Variants in HOMER2 observed in about 807,000 individuals in gnomAD.
The protein encoded by HOMER2 is homer protein homolog 2.
In HOMER2, 27 loss-of-function variants were observed where a neutral mutation model predicts 47.0. The ratio of observed to expected loss-of-function variants is 0.57; its 90% CI spans 0.42 to 0.79. The LOEUF (loss-of-function observed/expected upper bound fraction) is 0.79, where lower values mean the gene tolerates loss of function less well. Ranked by LOEUF, HOMER2 falls within the 30% of genes least tolerant of loss-of-function variation. The probability of loss-of-function intolerance (pLI) is 0.00; values close to 1 mark genes in which losing one functional copy is unlikely to be tolerated. For missense variants in HOMER2, 443 were observed against 435.0 expected (o/e 1.02, Z -0.16); for synonymous variants, 161 against 163.8 (o/e 0.98, Z 0.13).
At chr15:82,941,370 G>C (rs2054261707) in intron 1 of HOMER2, among the ~76,000 whole-genome samples, 1 of 150,326 alleles carries the variant, frequency 6.7e-6, no homozygotes, top group African/African-American at 2.5e-5. Flanking sequence ...CTTGAACCGG[G>C]AGGCAGAGGC....
At chr15:82,877,305 A>G (rs2667383) in intron 2 of HOMER2, among the ~76,000 whole-genome samples, 125,607 of 152,044 alleles carry the variant, frequency 0.83, 52,202 homozygotes, top group African/African-American at 0.92. Flanking sequence ...GAGTAGCTGG[A>G]ATTACAGGTG....
intron 1 of HOMER2, among the ~76,000 whole-genome samples, chr15:82,897,457 C>T (rs2052972155): frequency 6.6e-6 from 1 of 152,158 alleles, no homozygotes; most frequent in South Asian, 2.1e-4. Context: ...TAGTAGGCAG[C>T]TTCGGATGTG....
At chr15:82,869,244 A>G (rs1025120690) in intron 3 of HOMER2, among the ~76,000 whole-genome samples, 6 of 152,112 alleles carry the variant, frequency 3.9e-5, no homozygotes, top group African/African-American at 1.4e-4. Context: ...GTGGAGCCCC[A>G]ATTTATGAGC....
chr15:82,921,888 C>T (rs1368597698), intron 1 of HOMER2, among the ~76,000 whole-genome samples: 1 of 152,182 alleles, frequency 6.6e-6, no homozygotes, highest in Admixed American at 6.5e-5. Context: ...TAATTCCCTC[C>T]CATTCATTTT....
intron 1 of HOMER2, among the ~76,000 whole-genome samples, chr15:82,966,365 GGTCA>G: frequency 6.6e-6 from 1 of 152,086 alleles, no homozygotes; most frequent in Non-Finnish European, 1.5e-5. Context: ...TGCCTATGTG[GGTCA>G]GTAAGTATAT....
chr15:82,981,228 G>A (rs2030385467), intron 1 of HOMER2, among the ~76,000 whole-genome samples: 1 of 152,150 alleles, frequency 6.6e-6, no homozygotes, highest in Non-Finnish European at 1.5e-5. Context: ...TGGATAAACT[G>A]CATAACCTCT....
intron 1 of HOMER2, among the ~76,000 whole-genome samples, chr15:82,944,913 A>ATGG (rs916356155): frequency 2.0e-5 from 3 of 152,178 alleles, no homozygotes; most frequent in African/African-American, 7.2e-5. Context: ...AGGTATGGGC[A>ATGG]TGGGTGCTTC....
intron 1 of HOMER2, among the ~76,000 whole-genome samples, chr15:82,978,714 G>A (rs2030289986): frequency 1.3e-5 from 2 of 151,966 alleles, no homozygotes; most frequent in African/African-American, 4.8e-5. Context: ...AAGTTCTCAT[G>A]AGATCTGACA....
intron 4 of HOMER2, among the ~76,000 whole-genome samples, chr15:82,861,042 A>G (rs1644684354): frequency 6.6e-6 from 1 of 152,162 alleles, no homozygotes; most frequent in Non-Finnish European, 1.5e-5. Flanking sequence ...AAGAGAAAAG[A>G]AAAGAAAGAC....
intron 1 of HOMER2, among the ~76,000 whole-genome samples, chr15:82,932,618 G>A (rs932806140): frequency 6.6e-6 from 1 of 152,012 alleles, no homozygotes; most frequent in Non-Finnish European, 1.5e-5. Flanking sequence ...GAGGCCCCAA[G>A]ACAAGCTGAT....
intron 1 of HOMER2, among the ~76,000 whole-genome samples, chr15:82,940,671 G>C (rs183893874): frequency 6.6e-6 from 1 of 152,256 alleles, no homozygotes; most frequent in East Asian, 1.9e-4. Flanking sequence ...GAACCTGAGA[G>C]GTGGAGCTTG....
chr15:82,863,167 T>G (rs1432028957), intron 4 of HOMER2, among the ~76,000 whole-genome samples: 1 of 152,104 alleles, frequency 6.6e-6, no homozygotes, highest in African/African-American at 2.4e-5. Flanking sequence ...GTTCTCTTCC[T>G]GCAACCTGTC....
intron 1 of HOMER2, among the ~76,000 whole-genome samples, chr15:82,941,690 C>T (rs1254806076): frequency 1.3e-5 from 2 of 151,918 alleles, no homozygotes; most frequent in Non-Finnish European, 2.9e-5. Flanking sequence ...CTGCCACTCA[C>T]AGGATTAACT....
chr15:82,968,279 C>T (rs1035458904), intron 1 of HOMER2, among the ~76,000 whole-genome samples: 1 of 152,198 alleles, frequency 6.6e-6, no homozygotes, highest in Non-Finnish European at 1.5e-5. Flanking sequence ...AATATTTTAT[C>T]GCCCCACAAG....
intron 1 of HOMER2, among the ~76,000 whole-genome samples, chr15:82,941,337 G>A (rs745636123): frequency 7.9e-5 from 12 of 151,068 alleles, no homozygotes; most frequent in Non-Finnish European, 1.2e-4. Context: ...CCAGCTACTC[G>A]GGAGGCTGAG....
At chr15:82,908,854 T>C (rs950660964) in intron 1 of HOMER2, among the ~76,000 whole-genome samples, 8 of 152,052 alleles carry the variant, frequency 5.3e-5, no homozygotes, top group African/African-American at 1.7e-4. Context: ...ATGCTGGGTG[T>C]GCCTTGCCTG....
intron 5 of HOMER2, 126 bp downstream of exon 5, chr15:82,858,903 G>C: frequency 9.1e-7 from 1 of 1,097,674 alleles, no homozygotes; most frequent in Non-Finnish European, 1.3e-6. Flanking sequence ...CAGGAGACAA[G>C]AGTGGATGCT....
exon 1 of HOMER2, chr15:82,985,832 C>T (rs1224614633): frequency 6.6e-6 from 1 of 152,512 alleles, no homozygotes; most frequent in Non-Finnish European, 1.5e-5. Flanking sequence ...TCCCTGAAGT[C>T]ATCAGTCGTG....
At chr15:82,968,586 G>C (rs867732318) in intron 1 of HOMER2, among the ~76,000 whole-genome samples, 1 of 152,294 alleles carries the variant, frequency 6.6e-6, no homozygotes. Flanking sequence ...CCAGATGGTA[G>C]TATTCTATAC....
Sources: gnomAD v4.1 joint callset for allele counts (sites outside exome capture counted in the v4.1 genomes callset) on GRCh38, gnomAD v4.1.1 for gene constraint, MANE v1.5 for transcripts, NCBI Gene and HGNC (gene_info 2026-07-23, HGNC 2026-07-21) for gene names.